EIF3E: variants seen among roughly 807,000 people sequenced by gnomAD.
The protein encoded by EIF3E is eukaryotic translation initiation factor 3 subunit E.
Under a neutral mutation model 59.3 loss-of-function variants are expected in EIF3E, and 25 were observed. The ratio of observed to expected loss-of-function variants is 0.42; its 90% CI spans 0.31 to 0.59. The LOEUF is 0.59. Ranked by LOEUF, EIF3E falls within the 20% of genes least tolerant of loss-of-function variation. The probability of loss-of-function intolerance (pLI) is 0.15; values close to 1 mark genes in which losing one functional copy is unlikely to be tolerated. For missense variants in EIF3E, 317 were observed against 534.3 expected (o/e 0.59, Z 4.01); for synonymous variants, 176 against 170.2 (o/e 1.03, Z -0.26).
chr8:108,211,091 T>C (rs916913276), intron 10 of EIF3E, among the ~76,000 whole-genome samples: 2 of 152,234 alleles, frequency 1.3e-5, no homozygotes, highest in Admixed American at 1.3e-4. Flanking sequence ...GCATGATTTA[T>C]TATCCTTTGG....
chr8:108,237,450 C>A (rs939325309), intron 3 of EIF3E, among the ~76,000 whole-genome samples: 1 of 152,156 alleles, frequency 6.6e-6, no homozygotes, highest in Non-Finnish European at 1.5e-5. Flanking sequence ...TGAGGTTTCA[C>A]CACGCTGGCC....
rs1815843421 is a variant in EIF3E at position 108,241,905 on chromosome 8, A to G, written c.99T>C (p.Asn33=). ...LEFLSVKEIY[N]EKELLQGKLD... is the part of the protein sequence containing the mutation. Reference sequence around the variant, plus strand: ...ATTTACCTTGTAATAATTCCTTTTCATTATATATCTGCAAAAGAAGATAAC... The same window carrying G: ...ATTTACCTTGTAATAATTCCTTTTCGTTATATATCTGCAAAAGAAGATAAC... Residue 33 remains asparagine (N), a synonymous_variant, in exon 2 of 13, where the codon AAT becomes AAC. Coordinates refer to ENST00000220849, the MANE Select transcript of EIF3E (RefSeq NM_001568.3). 1 of 1,570,666 alleles carries G rather than the reference A, an allele frequency of 6.4e-7. No individual in the cohort carries two copies. The highest frequency in any genetic ancestry group is 8.6e-7 in the Non-Finnish European group (1 of 1,157,448).
rs139331569 is a variant in EIF3E at position 108,224,486 on chromosome 8, G to A, written c.722+3781C>T. On this transcript the variant is annotated intron_variant, in intron 7 of 12. Coordinates refer to ENST00000220849, the MANE Select transcript of EIF3E (RefSeq NM_001568.3). Reference sequence around the variant, plus strand: ...AATGGGTGAAACAATGATCTGTCAAGTCAACTGGGTATATTTCCATTAGGA... The same window carrying A: ...AATGGGTGAAACAATGATCTGTCAAATCAACTGGGTATATTTCCATTAGGA... 9.5e-4 allele frequency among the ~76,000 whole-genome samples: 144 copies of A among 151,518 alleles called. 3 individuals carry two copies. The East Asian group carries it at 0.019, about 20-fold the overall frequency.
chr8:108,212,705 G>A (rs1007871602), intron 10 of EIF3E, among the ~76,000 whole-genome samples: 2 of 152,140 alleles, frequency 1.3e-5, no homozygotes, highest in African/African-American at 2.4e-5. Flanking sequence ...GGGAGGCTGA[G>A]GCACGAGAAT....
chr8:108,223,140 G>C (rs980468650), intron 7 of EIF3E, among the ~76,000 whole-genome samples: 1 of 152,090 alleles, frequency 6.6e-6, no homozygotes, highest in South Asian at 2.1e-4. Flanking sequence ...TATAAGTTTT[G>C]TTTATTTTAA....
Position 108,210,042 on chromosome 8 carries a change from C to CT in EIF3E, c.1061+4564dup, listed in dbSNP as rs34870098. 2.7e-3 allele frequency among the ~76,000 whole-genome samples: 398 copies of CT among 145,850 alleles called. 4 individuals are homozygous for CT. Among genetic ancestry groups the CT allele is most frequent in the African/African-American group, 7.8e-3 (307 of 39,368 alleles). ...AATCATCTCAAAATAAACAGTTTAA[C>CT]TTTTTTTTTTTTTTTAAGCCAGATC... On this transcript the variant is annotated intron_variant, in intron 10 of 12. Transcript: ENST00000220849.
chr8:108,214,552 G>C, intron 10 of EIF3E, 55 bp downstream of exon 10: 1 of 1,321,258 alleles, frequency 7.6e-7, no homozygotes, highest in South Asian at 1.6e-5. Context: ...ACAATAAATG[G>C]AAATTTCCAG....
At chr8:108,220,999 A>G (rs1815400139) in intron 7 of EIF3E, among the ~76,000 whole-genome samples, 1 of 152,090 alleles carries the variant, frequency 6.6e-6, no homozygotes, top group African/African-American at 2.4e-5. Context: ...CCACCACTGC[A>G]CTCCAGACTG....
intron 2 of EIF3E, 145 bp from the exon 3 acceptor site, chr8:108,240,220 T>G (rs1390990365): frequency 5.6e-6 from 4 of 713,538 alleles, no homozygotes; most frequent in Non-Finnish European, 1.0e-5. Flanking sequence ...CATGGGCTAC[T>G]CAGTCAGAAA....
In EIF3E at chr8:108,214,310, C is replaced by T. The variant is rs938960644; in HGVS notation, c.1061+297G>A. On this transcript the variant is annotated intron_variant, in intron 10 of 12. Coordinates refer to ENST00000220849, the MANE Select transcript of EIF3E (RefSeq NM_001568.3). ...AACCATTTTAGAAATGTTTACTACA[C>T]TTTTCTCCTTACGTAAAGGTACAAG... 7.2e-5 allele frequency among the ~76,000 whole-genome samples: 11 copies of T among 152,274 alleles called. No individual in the cohort carries two copies. The South Asian group carries it at 1.2e-3, about 17-fold the overall frequency.
chr8:108,225,959 G>C (rs1290019253), intron 7 of EIF3E, among the ~76,000 whole-genome samples: 1 of 152,068 alleles, frequency 6.6e-6, no homozygotes, highest in Non-Finnish European at 1.5e-5. Flanking sequence ...TTTTTAATTT[G>C]TTTTGATTTT....
intron 5 of EIF3E, chr8:108,231,922 T>C (rs1815630004): frequency 6.6e-6 from 1 of 152,054 alleles, no homozygotes; most frequent in African/African-American, 2.4e-5. Flanking sequence ...ATAGGTCATT[T>C]GGAGAGTCAA....
At chr8:108,245,978 A>G (rs1815940589) in intron 1 of EIF3E, among the ~76,000 whole-genome samples, 1 of 152,164 alleles carries the variant, frequency 6.6e-6, no homozygotes, top group South Asian at 2.1e-4. Flanking sequence ...GATAGCCCCA[A>G]TCCTATATTT....
At position 108,205,726 on chromosome 8, in the gene EIF3E, T is replaced by C. The variant is rs1445212758; in HGVS notation, c.1062-2223A>G. 2.0e-5 allele frequency among the ~76,000 whole-genome samples: 3 copies of C among 152,182 alleles called. No homozygotes were observed. In the East Asian group the frequency reaches 5.8e-4, roughly 29 times the overall value. ...CGCTACCCGCCCATCAGTTACATAG[T>C]AGCTATTCCAGCTATCAAGTGTCTT... On this transcript the variant is annotated intron_variant, in intron 10 of 12. Coordinates refer to ENST00000220849, the MANE Select transcript of EIF3E (RefSeq NM_001568.3).
At chr8:108,239,863 A>G in intron 3 of EIF3E, 95 bp downstream of exon 3, 1 of 995,212 alleles carries the variant, frequency 1.0e-6, no homozygotes, top group Non-Finnish European at 1.6e-6. Flanking sequence ...TTAAACCATG[A>G]ACTTTTACTA....
intron 9 of EIF3E, 151 bp downstream of exon 9, chr8:108,216,261 T>C (rs1815302373): frequency 3.4e-6 from 2 of 592,040 alleles, no homozygotes; most frequent in Non-Finnish European, 5.7e-6. Flanking sequence ...TTAAGGTTAA[T>C]AAACATGAGC....
chr8:108,236,072 A>T (rs1326360507), intron 4 of EIF3E, 89 bp downstream of exon 4: 5 of 964,738 alleles, frequency 5.2e-6, no homozygotes, highest in Non-Finnish European at 7.4e-6. Flanking sequence ...TTATATTCTT[A>T]GGCCAAGCCA....
intron 1 of EIF3E, 137 bp from the exon 2 acceptor site, chr8:108,242,050 T>G (rs1352605904): frequency 9.5e-6 from 12 of 1,268,938 alleles, no homozygotes; most frequent in Non-Finnish European, 1.3e-5. Flanking sequence ...ATTCCCCTCT[T>G]GTAATAATGG....
chr8:108,225,163 A>G (rs1275090353), intron 7 of EIF3E, among the ~76,000 whole-genome samples: 1 of 151,608 alleles, frequency 6.6e-6, no homozygotes, highest in Non-Finnish European at 1.5e-5. Flanking sequence ...GACAAACTAA[A>G]GCTATTCAGA....
Sources: gnomAD v4.1 joint callset for allele counts (sites outside exome capture counted in the v4.1 genomes callset) on GRCh38, gnomAD v4.1.1 for gene constraint, MANE v1.5 for transcripts, NCBI Gene and HGNC (gene_info 2026-07-23, HGNC 2026-07-21) for gene names.